The following EYS variants were observed in gnomAD, a reference collection of about 807,000 sequenced individuals.
The protein encoded by EYS is EGF-like photoreceptor maintenance factor.
A neutral mutation model predicts 282.1 loss-of-function variants in EYS; 250 were observed. The ratio of observed to expected loss-of-function variants is 0.89; its 90% CI spans 0.80 to 0.98. The LOEUF (loss-of-function observed/expected upper bound fraction) is 0.98, where lower values mean the gene tolerates loss of function less well. EYS is among the 50% of genes least tolerant of loss of function. EYS has a pLI of 0.00. For missense variants in EYS, 4,016 were observed against 3,709.0 expected (o/e 1.08, Z -2.15); for synonymous variants, 1,355 against 1,282.9 (o/e 1.06, Z -1.20).
At chr6:64,381,450 G>T (rs1486195319) in intron 29 of EYS, among the ~76,000 whole-genome samples, 2 of 151,990 alleles carry the variant, frequency 1.3e-5, no homozygotes, top group Non-Finnish European at 2.9e-5. Context: ...TTATATAATG[G>T]GGATATTTGT....
At chr6:64,417,704 T>G (rs535637649) in intron 28 of EYS, among the ~76,000 whole-genome samples, 4 of 135,420 alleles carry the variant, frequency 3.0e-5, no homozygotes, top group East Asian at 2.2e-4. Flanking sequence ...AGCGTCTCAC[T>G]GTGTTGCCCA....
chr6:64,085,488 G>T (rs965656510), intron 31 of EYS, among the ~76,000 whole-genome samples: 3 of 152,074 alleles, frequency 2.0e-5, no homozygotes, highest in African/African-American at 7.2e-5. Context: ...GTGGAAGAGG[G>T]TGGGGAGTGA....
intron 18 of EYS, among the ~76,000 whole-genome samples, chr6:64,898,380 A>G (rs1481518624): frequency 6.6e-6 from 1 of 152,088 alleles, no homozygotes; most frequent in Non-Finnish European, 1.5e-5. Context: ...GAGAAATAAA[A>G]TCCATTACAG....
At chr6:65,251,757 T>C (rs1356210537) in intron 12 of EYS, among the ~76,000 whole-genome samples, 1 of 151,992 alleles carries the variant, frequency 6.6e-6, no homozygotes, top group Non-Finnish European at 1.5e-5. Context: ...TGGCCACAGA[T>C]GGAGTTAGAG....
intron 31 of EYS, among the ~76,000 whole-genome samples, chr6:64,130,043 T>C (rs1415794268): frequency 6.6e-6 from 1 of 152,186 alleles, no homozygotes. Context: ...CCTTGTAGTA[T>C]AGTTTGAAGT....
intron 14 of EYS, among the ~76,000 whole-genome samples, chr6:64,949,879 A>T (rs1308611820): frequency 6.6e-6 from 1 of 151,956 alleles, no homozygotes; most frequent in Non-Finnish European, 1.5e-5. Context: ...TTAAGCCTTG[A>T]AGGTAGTAAT....
intron 15 of EYS, among the ~76,000 whole-genome samples, chr6:64,917,520 C>G (rs1319050866): frequency 6.6e-6 from 1 of 151,888 alleles, no homozygotes; most frequent in Non-Finnish European, 1.5e-5. Flanking sequence ...TAGAAGCAAA[C>G]AGTAAAATGT....
At chr6:63,850,227 A>T (rs750261999) in intron 36 of EYS, among the ~76,000 whole-genome samples, 95 of 152,218 alleles carry the variant, frequency 6.2e-4, no homozygotes, top group Non-Finnish European at 1.1e-3. Context: ...TGACAGAAAG[A>T]ATGGAACCAA....
At chr6:64,920,527 G>A (rs1367567231) in intron 15 of EYS, among the ~76,000 whole-genome samples, 2 of 151,982 alleles carry the variant, frequency 1.3e-5, no homozygotes, top group Non-Finnish European at 2.9e-5. Flanking sequence ...GATCTTTGTA[G>A]CAAGTCCAAG....
chr6:64,851,916 C>A (rs543194821), intron 19 of EYS, among the ~76,000 whole-genome samples: 1 of 151,954 alleles, frequency 6.6e-6, no homozygotes, highest in African/African-American at 2.4e-5. Context: ...TACAAGAAAC[C>A]CCCATGAATA....
intron 40 of EYS, among the ~76,000 whole-genome samples, chr6:63,764,293 G>T (rs927335691): frequency 6.6e-6 from 1 of 151,880 alleles, no homozygotes; most frequent in African/African-American, 2.4e-5. Context: ...ACGGAAAATT[G>T]TATAGGGTTC....
chr6:65,204,356 C>A (rs1239853637), intron 12 of EYS, among the ~76,000 whole-genome samples: 7 of 151,034 alleles, frequency 4.6e-5, no homozygotes, highest in Non-Finnish European at 8.8e-5. Flanking sequence ...CAGACTACAG[C>A]AGACTTCCTA....
intron 14 of EYS, among the ~76,000 whole-genome samples, chr6:64,951,836 T>A (rs2150100225): frequency 6.6e-6 from 1 of 151,918 alleles, no homozygotes; most frequent in African/African-American, 2.4e-5. Context: ...TGGGAACTAA[T>A]GAAAATAGCC....
chr6:63,978,060 A>T (rs1766923252), intron 35 of EYS, among the ~76,000 whole-genome samples: 1 of 151,984 alleles, frequency 6.6e-6, no homozygotes, highest in Non-Finnish European at 1.5e-5. Flanking sequence ...ATATTCCAGT[A>T]AGGGAAAATA....
chr6:64,684,671 T>C (rs1770025795), intron 22 of EYS, among the ~76,000 whole-genome samples: 2 of 151,914 alleles, frequency 1.3e-5, no homozygotes, highest in African/African-American at 4.8e-5. Flanking sequence ...CTGGTAAGGA[T>C]ATGGAAATAT....
chr6:64,893,962 C>T (rs1387218467), intron 18 of EYS, among the ~76,000 whole-genome samples: 1 of 151,982 alleles, frequency 6.6e-6, no homozygotes, highest in African/African-American at 2.4e-5. Context: ...CTCCATTCCT[C>T]TCTACCAGGA....
intron 12 of EYS, among the ~76,000 whole-genome samples, chr6:65,230,393 A>T (rs2639695): frequency 1.6e-4 from 24 of 151,328 alleles, no homozygotes; most frequent in African/African-American, 5.8e-4. Flanking sequence ...TCAATGTGTT[A>T]ATACAATTAC....
intron 18 of EYS, among the ~76,000 whole-genome samples, chr6:64,896,715 T>C: frequency 6.6e-6 from 1 of 152,064 alleles, no homozygotes; most frequent in Non-Finnish European, 1.5e-5. Context: ...AAATTCTCAC[T>C]GCCACCACAA....
chr6:63,902,830 G>A (rs534855173), intron 35 of EYS, among the ~76,000 whole-genome samples: 1 of 151,892 alleles, frequency 6.6e-6, no homozygotes, highest in Non-Finnish European at 1.5e-5. Flanking sequence ...CTGAAAGAGG[G>A]GCATGGGCGG....
Sources: allele counts gnomAD v4.1 joint callset (sites outside exome capture counted in the v4.1 genomes callset), GRCh38; gene constraint gnomAD v4.1.1; transcripts MANE v1.5; gene names NCBI Gene and HGNC (gene_info 2026-07-23, HGNC 2026-07-21).